RHOBTB3: variants seen among roughly 807,000 people sequenced by gnomAD.
RHOBTB3 encodes the protein rho-related BTB domain-containing protein 3.
RHOBTB3 carries 47 observed loss-of-function variants against 67.2 expected under a neutral mutation model. The observed-to-expected ratio is 0.70, with a 90% confidence interval of 0.55 to 0.89. The LOEUF (loss-of-function observed/expected upper bound fraction) is 0.89. RHOBTB3 is among the 40% of genes least tolerant of loss of function. The pLI is 0.00. For missense variants in RHOBTB3, 631 were observed against 750.0 expected (o/e 0.84, Z 1.85); for synonymous variants, 273 against 274.2 (o/e 1.00, Z 0.04).
chr5:95,727,473 C>T (rs1412754024), upstream of RHOBTB3, among the ~76,000 whole-genome samples: 1 of 152,152 alleles, frequency 6.6e-6, no homozygotes, highest in Non-Finnish European at 1.5e-5. Context: ...CTTTATGCTA[C>T]ATCTTATTTA....
Position 95,731,465 on chromosome 5 carries a change from C to T in RHOBTB3, c.-218C>T. On this transcript the variant is annotated 5_prime_UTR_variant, in exon 1 of 12. Transcript: ENST00000379982. ...CCGGGCACTCCCTGAGTAGCGGCAG[C>T]TTATCCCCCGCCCGCTAGCCCGCCC... The T allele has an allele frequency of 8.2e-7, 1 of 1,219,088 alleles. No individual in the cohort carries two copies. Among genetic ancestry groups the T allele is most frequent in the South Asian group, 3.8e-5 (1 of 26,258 alleles). The allele number at this position is 1,219,088 out of a possible 1,614,324, so 75.5% of individuals were successfully genotyped here. A position where few individuals can be genotyped will look rare whatever the true frequency, so the allele number is the denominator to read the frequency against.
intron 6 of RHOBTB3, among the ~76,000 whole-genome samples, chr5:95,759,339 G>T (rs1323598570): frequency 6.6e-6 from 1 of 152,240 alleles, no homozygotes; most frequent in Non-Finnish European, 1.5e-5. Flanking sequence ...AAAATAACTG[G>T]TTCTGCAGGT....
chr5:95,784,686 A>G (rs764144124), intron 10 of RHOBTB3, among the ~76,000 whole-genome samples: 1 of 152,228 alleles, frequency 6.6e-6, no homozygotes, highest in African/African-American at 2.4e-5. Context: ...CAGGTCTGTA[A>G]ATAAACTAGG....
At chr5:95,727,733 G>A (rs2112757744), upstream of RHOBTB3, among the ~76,000 whole-genome samples, 1 of 152,248 alleles carries the variant, frequency 6.6e-6, no homozygotes, top group East Asian at 1.9e-4. Context: ...TAAAAAAGTG[G>A]TCATAAGAAA....
At chr5:95,784,912 A>G (rs1277004690) in intron 10 of RHOBTB3, among the ~76,000 whole-genome samples, 2 of 152,196 alleles carry the variant, frequency 1.3e-5, no homozygotes, top group Admixed American at 6.5e-5. Flanking sequence ...AACTTGTGGT[A>G]AGCCGAGCCC....
At chr5:95,756,751 AT>A (rs1745257858) in intron 6 of RHOBTB3, among the ~76,000 whole-genome samples, 3 of 152,142 alleles carry the variant, frequency 2.0e-5, no homozygotes. Flanking sequence ...TTCCCTAATG[AT>A]TAGTGATATC....
intron 7 of RHOBTB3, among the ~76,000 whole-genome samples, chr5:95,764,534 T>TA (rs1256479143): frequency 6.6e-6 from 1 of 152,222 alleles, no homozygotes; most frequent in Non-Finnish European, 1.5e-5. Flanking sequence ...GTAAGGGCTT[T>TA]AAAAAACATT....
intron 6 of RHOBTB3, among the ~76,000 whole-genome samples, chr5:95,756,664 A>C (rs1415405368): frequency 1.3e-5 from 2 of 151,872 alleles, no homozygotes; most frequent in Non-Finnish European, 2.9e-5. Context: ...CCTTGCCAAC[A>C]CTTGCTGTTT....
intron 6 of RHOBTB3, among the ~76,000 whole-genome samples, chr5:95,757,171 C>A (rs1745271799): frequency 6.6e-6 from 1 of 151,886 alleles, no homozygotes; most frequent in African/African-American, 2.4e-5. Flanking sequence ...TTCTCTTTGC[C>A]CTTTTAAAAA....
At chr5:95,744,860 C>T (rs767169140) in intron 3 of RHOBTB3, among the ~76,000 whole-genome samples, 10 of 151,836 alleles carry the variant, frequency 6.6e-5, no homozygotes, top group Admixed American at 3.3e-4. Context: ...CACTTGCGAT[C>T]AGGAGTTCAG....
intron 5 of RHOBTB3, among the ~76,000 whole-genome samples, chr5:95,754,594 A>T (rs769863569): frequency 7.9e-5 from 12 of 152,328 alleles, no homozygotes; most frequent in Non-Finnish European, 1.5e-4. Context: ...TCCTCTGGAT[A>T]AAAATGAGAT....
intron 2 of RHOBTB3, among the ~76,000 whole-genome samples, chr5:95,733,937 C>T (rs1447974966): frequency 1.3e-5 from 2 of 152,204 alleles, no homozygotes; most frequent in African/African-American, 4.8e-5. Flanking sequence ...CATTTCAGGT[C>T]TGTGTGTCCT....
At chr5:95,775,959 A>G (rs1745864909) in intron 8 of RHOBTB3, among the ~76,000 whole-genome samples, 1 of 152,174 alleles carries the variant, frequency 6.6e-6, no homozygotes, top group Admixed American at 6.5e-5. Context: ...ATTTTTTTCT[A>G]TACACTTAAA....
At position 95,752,234 on chromosome 5, in the gene RHOBTB3, T is replaced by C. The variant is rs370372854; in HGVS notation, c.571-5T>C. ...TCTTCAATTAAAATTTGATTCCTGTTTTAGTTGGAGTATTTTATGATTCAA... is the reference window on the plus strand; with the variant it reads ...TCTTCAATTAAAATTTGATTCCTGTCTTAGTTGGAGTATTTTATGATTCAA... On this transcript the variant is annotated splice_region_variant and splice_polypyrimidine_tract_variant and intron_variant, in intron 4 of 11. Transcript: ENST00000379982. The C allele has an allele frequency of 8.7e-6, 13 of 1,494,648 alleles. No individual in the cohort carries two copies. Among genetic ancestry groups the C allele is most frequent in the Non-Finnish European group, 1.2e-5 (13 of 1,090,752 alleles). The allele number at this position is 1,494,648 out of a possible 1,614,324, so 92.6% of individuals were successfully genotyped here.
At chr5:95,753,111 T>C (rs1356612475) in intron 5 of RHOBTB3, among the ~76,000 whole-genome samples, 1 of 151,690 alleles carries the variant, frequency 6.6e-6, no homozygotes, top group Non-Finnish European at 1.5e-5. Context: ...CACTCTGGCC[T>C]GGGCGACAGA....
In RHOBTB3 at chr5:95,754,804, A is replaced by G. The variant is rs911823810; in HGVS notation, c.683-592A>G. Among the ~76,000 whole-genome samples the G allele has an allele frequency of 2.8e-4, 42 of 152,204 alleles. 1 individual carries two copies. The highest frequency in any genetic ancestry group is 5.9e-5 in the Non-Finnish European group (4 of 68,036). On this transcript the variant is annotated intron_variant, in intron 5 of 11. Coordinates refer to ENST00000379982, the MANE Select transcript of RHOBTB3 (RefSeq NM_014899.4). Reference sequence around the variant, plus strand: ...AAAAAATGCTAGTTTTGGAATCCAAATAAAGGGGTCACAATGTTTTCAAAC... The same window carrying G: ...AAAAAATGCTAGTTTTGGAATCCAAGTAAAGGGGTCACAATGTTTTCAAAC...
rs561055233 is a variant in RHOBTB3, at chr5:95,765,855, G to A, written c.1162-2191G>A. On this transcript the variant is annotated intron_variant, in intron 7 of 11. Transcript: ENST00000379982. Reference sequence around the variant, plus strand: ...GTTTTTGTATTTTGAGTGGAGACGGGGTTTCACCGTGTTAGCCAGGATGGT... The same window carrying A: ...GTTTTTGTATTTTGAGTGGAGACGGAGTTTCACCGTGTTAGCCAGGATGGT... 3.3e-5 allele frequency among the ~76,000 whole-genome samples: 5 copies of A among 152,244 alleles called. No homozygotes were observed. The East Asian group carries it at 9.6e-4, about 29-fold the overall frequency.
intron 11 of RHOBTB3, among the ~76,000 whole-genome samples, chr5:95,792,652 C>T (rs1369548830): frequency 2.6e-5 from 4 of 151,266 alleles, no homozygotes; most frequent in South Asian, 2.1e-4. Context: ...ATTAGCTGGG[C>T]GTGGTGTCAC....
chr5:95,752,233 T>G lies in RHOBTB3; in HGVS notation c.571-6T>G. On this transcript the variant is annotated splice_region_variant and splice_polypyrimidine_tract_variant and intron_variant, in intron 4 of 11. Transcript: ENST00000379982. ...ATCTTCAATTAAAATTTGATTCCTG[T>G]TTTAGTTGGAGTATTTTATGATTCA... 1 of 1,489,878 alleles carries G rather than the reference T, an allele frequency of 6.7e-7. No individual in the cohort carries two copies. Among genetic ancestry groups the G allele is most frequent in the Non-Finnish European group, 9.2e-7 (1 of 1,086,472 alleles). 92.3% of individuals were successfully genotyped at this position (1,489,878 alleles called of 1,614,324 possible).
Sources: gnomAD v4.1 joint callset for allele counts (sites outside exome capture counted in the v4.1 genomes callset) on GRCh38, gnomAD v4.1.1 for gene constraint, MANE v1.5 for transcripts, NCBI Gene and HGNC (gene_info 2026-07-23, HGNC 2026-07-21) for gene names.